The following TRPM3 variants were observed in gnomAD, a reference collection of about 807,000 sequenced individuals.
TRPM3 encodes the protein long transient receptor potential channel 3.
Under a neutral mutation model 181.2 loss-of-function variants are expected in TRPM3, and 77 were observed. The observed-to-expected ratio is 0.42, with a 90% CI of 0.35 to 0.51. The LOEUF (loss-of-function observed/expected upper bound fraction) is 0.51. Among genes scored for constraint, TRPM3 ranks in the 20% least tolerant of loss-of-function variants. The pLI is 0.01. For missense variants in TRPM3, 1,759 were observed against 2,196.7 expected (o/e 0.80, Z 3.98); for synonymous variants, 745 against 796.4 (o/e 0.94, Z 1.09).
At chr9:70,935,118 G>C (rs1184163407) in intron 1 of TRPM3, among the ~76,000 whole-genome samples, 2 of 152,110 alleles carry the variant, frequency 1.3e-5, no homozygotes, top group African/African-American at 4.8e-5. Context: ...TCCACCTCAT[G>C]AATGCCCACG....
At chr9:71,204,204 T>G (rs1295049518) in intron 1 of TRPM3, among the ~76,000 whole-genome samples, 6 of 150,588 alleles carry the variant, frequency 4.0e-5, no homozygotes, top group Non-Finnish European at 8.9e-5. Context: ...AAGCCAAAAT[T>G]GACAAATGGG....
rs951390566 is a variant in TRPM3 at position 71,062,741 on chromosome 9, G to A, written c.177+58437C>T. ...TGAATGAATTAATGCCGTTATCATG[G>A]GAGTGGATTAGTTATCTCAGGAGTT... On this transcript the variant is annotated intron_variant, in intron 1 of 25. Transcript: ENST00000677713. Among the ~76,000 whole-genome samples, 8 of 151,918 alleles carry A rather than the reference G, an allele frequency of 5.3e-5. No homozygotes were observed. The East Asian group carries it at 1.4e-3, about 26-fold the overall frequency.
intron 5 of TRPM3, among the ~76,000 whole-genome samples, chr9:70,834,400 G>A (rs1319930782): frequency 6.6e-6 from 1 of 152,162 alleles, no homozygotes; most frequent in Non-Finnish European, 1.5e-5. Context: ...TACTGGCAGT[G>A]GGAAAAGGCT....
At chr9:71,327,469 C>A (rs2089778976) in intron 1 of TRPM3, among the ~76,000 whole-genome samples, 1 of 152,022 alleles carries the variant, frequency 6.6e-6, no homozygotes, top group Non-Finnish European at 1.5e-5. Flanking sequence ...ATGTTATATG[C>A]ACTTATGAGT....
At chr9:71,329,147 G>A (rs1291313891) in intron 1 of TRPM3, among the ~76,000 whole-genome samples, 2 of 152,194 alleles carry the variant, frequency 1.3e-5, no homozygotes, top group African/African-American at 4.8e-5. Context: ...TGTTAACGTG[G>A]GCTTTGCAGC....
intron 1 of TRPM3, among the ~76,000 whole-genome samples, chr9:70,948,037 C>T (rs898846712): frequency 3.3e-5 from 5 of 151,110 alleles, no homozygotes; most frequent in Admixed American, 3.3e-4. Flanking sequence ...AATTCCTTAA[C>T]TTGATTTTAT....
chr9:70,840,450 C>T (rs796724804), intron 5 of TRPM3, among the ~76,000 whole-genome samples: 5 of 152,238 alleles, frequency 3.3e-5, no homozygotes, highest in African/African-American at 9.6e-5. Flanking sequence ...TTACGAGACC[C>T]TCGGGAACAG....
At chr9:70,804,079 TCAGCA>T (rs1489710777) in intron 6 of TRPM3, among the ~76,000 whole-genome samples, 1 of 151,794 alleles carries the variant, frequency 6.6e-6, no homozygotes, top group Non-Finnish European at 1.5e-5. Context: ...GCCTGTAATC[TCAGCA>T]CTTTGGGAGG....
chr9:70,635,537 A>G (rs1243127416), intron 11 of TRPM3, among the ~76,000 whole-genome samples: 1 of 141,102 alleles, frequency 7.1e-6, no homozygotes, highest in Non-Finnish European at 1.5e-5. Flanking sequence ...ATCACAGCTC[A>G]CTGCAGCCTC....
At chr9:71,077,963 C>T (rs1485554851) in intron 1 of TRPM3, among the ~76,000 whole-genome samples, 1 of 148,158 alleles carries the variant, frequency 6.7e-6, no homozygotes, top group African/African-American at 2.5e-5. Flanking sequence ...GCCAACCACA[C>T]AAGCTTCTTG....
intron 1 of TRPM3, among the ~76,000 whole-genome samples, chr9:71,056,455 CTG>C (rs573354549): frequency 6.6e-6 from 1 of 151,994 alleles, no homozygotes; most frequent in Non-Finnish European, 1.5e-5. Context: ...GAGTGTCACA[CTG>C]TGAATTCTAC....
At chr9:70,830,922 A>T (rs2093850904) in intron 5 of TRPM3, among the ~76,000 whole-genome samples, 1 of 152,202 alleles carries the variant, frequency 6.6e-6, no homozygotes, top group South Asian at 2.1e-4. Context: ...TCAATTGTAA[A>T]CTAGTGATCA....
At chr9:70,941,337 C>T (rs1180511181) in intron 1 of TRPM3, among the ~76,000 whole-genome samples, 2 of 152,140 alleles carry the variant, frequency 1.3e-5, no homozygotes, top group African/African-American at 4.8e-5. Flanking sequence ...TATCAGGCTC[C>T]AAGTTCTTCA....
At chr9:70,870,227 C>A (rs1213319870) in intron 1 of TRPM3, among the ~76,000 whole-genome samples, 1 of 152,026 alleles carries the variant, frequency 6.6e-6, no homozygotes, top group African/African-American at 2.4e-5. Context: ...TGAATTCGGT[C>A]CTGAGCCATC....
At chr9:71,142,172 A>G (rs934993818) in intron 1 of TRPM3, among the ~76,000 whole-genome samples, 13 of 152,204 alleles carry the variant, frequency 8.5e-5, no homozygotes, top group Admixed American at 2.6e-4. Flanking sequence ...ACACTAGACT[A>G]AACTTCAAAC....
intron 1 of TRPM3, among the ~76,000 whole-genome samples, chr9:71,343,498 T>G (rs1588585756): frequency 6.6e-6 from 1 of 152,232 alleles, no homozygotes; most frequent in East Asian, 1.9e-4. Flanking sequence ...GTTGATATTG[T>G]TGAGAGCTAG....
At chr9:70,808,292 C>T (rs1039330054) in intron 6 of TRPM3, among the ~76,000 whole-genome samples, 22 of 152,272 alleles carry the variant, frequency 1.4e-4, no homozygotes, top group African/African-American at 5.1e-4. Flanking sequence ...AAATTCTTCC[C>T]TGAATGTAAA....
At chr9:70,785,437 C>G (rs150121081) in intron 6 of TRPM3, among the ~76,000 whole-genome samples, 209 of 152,244 alleles carry the variant, frequency 1.4e-3, no homozygotes, top group Middle Eastern at 0.01. Flanking sequence ...TCTGCTGCCT[C>G]AGAATAATTA....
intron 8 of TRPM3, among the ~76,000 whole-genome samples, chr9:70,746,479 G>C (rs1216652489): frequency 6.6e-6 from 1 of 152,084 alleles, no homozygotes; most frequent in Non-Finnish European, 1.5e-5. Flanking sequence ...TTGGCCTCCA[G>C]AGACTTATCT....
Sources: allele counts gnomAD v4.1 joint callset (sites outside exome capture counted in the v4.1 genomes callset), GRCh38; gene constraint gnomAD v4.1.1; transcripts MANE v1.5; gene names NCBI Gene and HGNC (gene_info 2026-07-23, HGNC 2026-07-21).